The following LONP1 variants were observed in gnomAD, a reference collection of about 807,000 sequenced individuals.
LONP1 encodes the protein lon peptidase 1, mitochondrial.
A neutral mutation model predicts 98.5 loss-of-function variants in LONP1; 31 were observed. That is an observed-to-expected ratio of 0.31 (90% CI 0.24 to 0.42). LONP1 has a LOEUF of 0.42. Among genes scored for constraint, LONP1 ranks in the 20% least tolerant of loss-of-function variants. LONP1 has a pLI of 1.00. For missense variants in LONP1, 1,336 were observed against 1,350.6 expected, an observed-to-expected ratio of 0.99 and a Z score of 0.17; for synonymous variants, 781 against 594.7, an observed-to-expected ratio of 1.31 and a Z score of -4.56.
intron 13 of LONP1, among the ~76,000 whole-genome samples, chr19:5,695,262 G>C (rs2145581101): frequency 1.3e-5 from 2 of 152,270 alleles, no homozygotes; most frequent in East Asian, 3.9e-4. Flanking sequence ...TGAGGAAGGG[G>C]ACTGGGTCAG....
chr19:5,703,888 G>A (rs1015797679), intron 8 of LONP1, among the ~76,000 whole-genome samples: 2 of 152,172 alleles, frequency 1.3e-5, no homozygotes, highest in African/African-American at 4.8e-5. Flanking sequence ...ATCTGCTTCT[G>A]CAGGACAAGG....
At chr19:5,701,288 A>G (rs1884242361) in intron 8 of LONP1, among the ~76,000 whole-genome samples, 2 of 152,078 alleles carry the variant, frequency 1.3e-5, no homozygotes, top group African/African-American at 4.8e-5. Context: ...TACTAAAAAT[A>G]CAAAAAATGC....
chr19:5,714,409 A>G, intron 1 of LONP1, 138 bp from the exon 2 acceptor site: 1 of 619,840 alleles, frequency 1.6e-6, no homozygotes, highest in South Asian at 1.9e-5. Context: ...AGTTCAAGGG[A>G]TTCTCCTGCC....
intron 3 of LONP1, 118 bp from the exon 4 acceptor site, chr19:5,712,120 C>T: frequency 1.3e-6 from 1 of 798,992 alleles, no homozygotes. Flanking sequence ...ACCTCTGGAG[C>T]CACAGGGTGG....
intron 17 of LONP1, 164 bp from the exon 18 acceptor site, chr19:5,692,372 A>T (rs931624514): frequency 4.4e-5 from 27 of 611,908 alleles, no homozygotes; most frequent in Non-Finnish European, 7.3e-5. Flanking sequence ...TCCCACGGGG[A>T]AACAGGCTCA....
Position 5,693,533 on chromosome 19 carries a change from G to A in LONP1, c.2538+19C>T, listed in dbSNP as rs746901008. ...CCAGGGACTGGGCGGGAGCAGGTGG[G>A]AGCGGATGGCGCGGTCACCTCGGGC... On this transcript the variant is annotated intron_variant, in intron 16 of 17. Coordinates refer to ENST00000360614, the MANE Select transcript of LONP1 (RefSeq NM_004793.4). The A allele has an allele frequency of 1.2e-6, 2 of 1,613,814 alleles. No homozygotes were observed. The highest frequency in any genetic ancestry group is 1.7e-6 in the Non-Finnish European group (2 of 1,179,872).
intron 1 of LONP1, among the ~76,000 whole-genome samples, chr19:5,716,259 CATAT>C (rs3082272): frequency 0.017 from 1,283 of 77,054 alleles, 20 homozygotes; most frequent in African/African-American, 0.032. Context: ...TTAAAATATA[CATAT>C]ATATATATAT....
intron 1 of LONP1, among the ~76,000 whole-genome samples, chr19:5,715,327 A>C (rs1256224602): frequency 6.6e-6 from 1 of 150,642 alleles, no homozygotes; most frequent in Non-Finnish European, 1.5e-5. Flanking sequence ...AGAGATTGAT[A>C]ACTTCCTTTT....
chr19:5,702,590 G>A (rs2055074152), intron 8 of LONP1, among the ~76,000 whole-genome samples: 1 of 152,200 alleles, frequency 6.6e-6, no homozygotes, highest in Non-Finnish European at 1.5e-5. Context: ...TAGAAAAGGG[G>A]GAAAGGATTG....
intron 7 of LONP1, among the ~76,000 whole-genome samples, chr19:5,706,521 C>T (rs1313291264): frequency 6.6e-6 from 1 of 152,040 alleles, no homozygotes; most frequent in African/African-American, 2.4e-5. Context: ...GTGGGAGGAT[C>T]ACTTGAGCCC....
chr19:5,700,357 C>T (rs770711623), intron 9 of LONP1, among the ~76,000 whole-genome samples: 2 of 152,248 alleles, frequency 1.3e-5, no homozygotes, highest in Non-Finnish European at 2.9e-5. Context: ...AGGTGATCTG[C>T]ATGCCTCAGC....
chr19:5,696,651 C>T lies in LONP1; in HGVS notation c.1773+19G>A, dbSNP rs376466825. The T allele has an allele frequency of 1.2e-4, 193 of 1,561,552 alleles. No homozygotes were observed. The highest frequency in any genetic ancestry group is 1.7e-4 in the Admixed American group (10 of 57,790). ...CGGCATTGCCGGGTTAGGGGGTCTC[C>T]GGGCCTCTCCGCACGCACCTCGTCG... On this transcript the variant is annotated intron_variant, in intron 11 of 17. Coordinates refer to ENST00000360614, the MANE Select transcript of LONP1 (RefSeq NM_004793.4).
intron 11 of LONP1, 40 bp downstream of exon 11, chr19:5,696,630 A>G: frequency 6.6e-7 from 1 of 1,519,150 alleles, no homozygotes; most frequent in South Asian, 1.1e-5. Flanking sequence ...TGCACACGGC[A>G]TTGCCGGGTT....
intron 17 of LONP1, 74 bp downstream of exon 17, chr19:5,693,204 TTGGCCCAGGCAGAGGTTGCA>T (rs2054862204): frequency 6.8e-7 from 1 of 1,468,764 alleles, no homozygotes; most frequent in African/African-American, 1.4e-5. Context: ...TTCCCTCTCC[TTGGCCCAGGCAGAGGTTGCA>T]TGGCGGGGAC....
At chr19:5,718,947 C>G (rs1187233164) in intron 1 of LONP1, among the ~76,000 whole-genome samples, 1 of 152,170 alleles carries the variant, frequency 6.6e-6, no homozygotes, top group African/African-American at 2.4e-5. Context: ...CTCTTCCCAC[C>G]CTCCTAAGCC....
At chr19:5,711,628 C>A in intron 4 of LONP1, 143 bp downstream of exon 4, 1 of 658,548 alleles carries the variant, frequency 1.5e-6, no homozygotes, top group Non-Finnish European at 2.6e-6. Context: ...CTCTATGTTC[C>A]ATTAGAATTG....
In LONP1 at chr19:5,696,167, G is replaced by C; in HGVS notation, c.1900C>G (p.Leu634Val). The change falls in exon 13 of 18, where the codon CTG (leucine) becomes GTG (valine). Residue 634 changes from leucine (L) to valine (V), a missense_variant. By Grantham distance (32) the Leu-to-Val change is conservative (BLOSUM62 1). This residue lies in a region of LONP1 where 555 missense variants were observed against 542.6 expected (regional missense o/e 1.02). Transcript: ENST00000360614. ...GTGACGTTGGCCGTGCAGATGAACA[G>C]CACCTGGGGGCGGCGGCAAGGTGCT... is the stretch of plus-strand genomic sequence containing the variant. Reference protein sequence around the residue: ...LDVPVDLSKVLFICTANVTDT... With the variant: ...LDVPVDLSKVVFICTANVTDT... 1 of 1,612,908 alleles carries C rather than the reference G, an allele frequency of 6.2e-7. No homozygotes were observed. The highest frequency in any genetic ancestry group is 1.3e-5 in the African/African-American group (1 of 75,032).
rs1438565336 is a variant in LONP1 at position 5,696,440 on chromosome 19, C to T, written c.1774-69G>A. The stretch of plus-strand genomic sequence containing the variant: ...GCCAGCCCGCCCAGTGGGGAGACCC[C>T]AGGGTCAGGGCTGGGGAGACCCCGA... On this transcript the variant is annotated intron_variant, in intron 11 of 17. Coordinates refer to ENST00000360614, the MANE Select transcript of LONP1 (RefSeq NM_004793.4). 1.9e-5 allele frequency: 29 copies of T among 1,563,430 alleles called. No individual in the cohort carries two copies. In the South Asian group the frequency reaches 2.2e-4, roughly 12 times the overall value.
chr19:5,719,916 T>C lies in LONP1; in HGVS notation c.217A>G (p.Ser73Gly). 6.5e-7 allele frequency: 1 copy of C among 1,547,752 alleles called. No homozygotes were observed. The highest frequency in any genetic ancestry group is 8.7e-7 in the Non-Finnish European group (1 of 1,148,076). The change falls in exon 1 of 18, where the codon AGC becomes GGC. Residue 73 changes from serine to glycine, a missense_variant. Physicochemically the swap from Ser to Gly is moderately conservative, Grantham distance 56 (BLOSUM62 0). Coordinates refer to ENST00000360614, the MANE Select transcript of LONP1 (RefSeq NM_004793.4). ...GQWRGFWEASSRGGGAFSGGE... is the reference protein window; with the variant it reads ...GQWRGFWEASGRGGGAFSGGE... Reference sequence around the variant, plus strand: ...CCCGAGAATGCGCCTCCGCCGCGGCTGCTCGCTTCCCAAAACCCCCGCCAT... The same window carrying C: ...CCCGAGAATGCGCCTCCGCCGCGGCCGCTCGCTTCCCAAAACCCCCGCCAT...
Sources: allele counts gnomAD v4.1 joint callset (sites outside exome capture counted in the v4.1 genomes callset), GRCh38; gene constraint gnomAD v4.1.1; regional missense constraint gnomAD v4.1.1; transcripts MANE v1.5; gene names NCBI Gene and HGNC (gene_info 2026-07-23, HGNC 2026-07-21).